The following RNF144A variants were observed in gnomAD, a reference collection of about 807,000 sequenced individuals.
The protein encoded by RNF144A is ring finger protein 144A.
RNF144A carries 11 observed loss-of-function variants against 38.7 expected under a neutral mutation model. That is an observed-to-expected ratio of 0.28 (90% CI 0.18 to 0.47). The LOEUF (loss-of-function observed/expected upper bound fraction) is 0.47. Ranked by LOEUF, RNF144A falls within the 20% of genes least tolerant of loss-of-function variation. The pLI is 0.99. For missense variants in RNF144A, 316 were observed against 377.2 expected (o/e 0.84, Z 1.34); for synonymous variants, 149 against 143.9 (o/e 1.04, Z -0.25).
intron 6 of RNF144A, among the ~76,000 whole-genome samples, chr2:7,054,895 A>G (rs1372133614): frequency 3.3e-5 from 5 of 152,210 alleles, no homozygotes; most frequent in Admixed American, 3.3e-4. Flanking sequence ...AGTGACACAC[A>G]TTGGTTTCTT....
intron 6 of RNF144A, among the ~76,000 whole-genome samples, chr2:7,058,601 T>C (rs1673832905): frequency 6.6e-6 from 1 of 152,184 alleles, no homozygotes; most frequent in East Asian, 1.9e-4. Context: ...AACTTTTTAT[T>C]AAACATAGCT....
intron 1 of RNF144A, among the ~76,000 whole-genome samples, chr2:6,930,146 A>G (rs1035922237): frequency 1.3e-5 from 2 of 152,230 alleles, no homozygotes; most frequent in African/African-American, 2.4e-5. Flanking sequence ...CATGTTTTTT[A>G]AAGAATAATA....
At chr2:6,926,757 A>G (rs700941) in intron 1 of RNF144A, among the ~76,000 whole-genome samples, 78,689 of 152,094 alleles carry the variant, frequency 0.52, 20,747 homozygotes, top group Non-Finnish European at 0.56. Flanking sequence ...AAACAGCCAC[A>G]TTCATTCACT....
chr2:7,021,076 C>T (rs970544073), intron 6 of RNF144A, among the ~76,000 whole-genome samples: 1 of 152,120 alleles, frequency 6.6e-6, no homozygotes, highest in African/African-American at 2.4e-5. Context: ...GAGTAGGGTG[C>T]ACTGGTCATA....
chr2:6,951,775 G>A (rs1186086220), intron 2 of RNF144A, among the ~76,000 whole-genome samples: 1 of 151,982 alleles, frequency 6.6e-6, no homozygotes, highest in South Asian at 2.1e-4. Context: ...TATTGATCTT[G>A]CATCTAGTCA....
intron 3 of RNF144A, among the ~76,000 whole-genome samples, chr2:7,005,855 G>T (rs1185546272): frequency 7.2e-5 from 11 of 152,044 alleles, no homozygotes. Context: ...GGCCTGCCCT[G>T]GAGTGAGGTG....
chr2:6,941,040 A>G lies in RNF144A; in HGVS notation c.-119A>G, dbSNP rs879671217. On this transcript the variant is annotated 5_prime_UTR_variant, in exon 2 of 9. The change abolishes an upstream ATG in the 5' untranslated region. Coordinates refer to ENST00000320892, the MANE Select transcript of RNF144A (RefSeq NM_014746.6). The surrounding 1 kb of genome is among the most constrained non-coding windows in gnomAD (Gnocchi z 6.5). ...CAGAGACCTTCTCCCATTTCTCCCT[A>G]TGGGTGCCTGACCTGAGGGCAGAGA... The G allele has an allele frequency of 5.9e-5, 9 of 152,286 alleles. No individual in the cohort carries two copies. Among genetic ancestry groups the G allele is most frequent in the Non-Finnish European group, 7.3e-5 (5 of 68,206 alleles). 9.4% of individuals were successfully genotyped at this position (152,286 alleles called of 1,614,324 possible). A position where few individuals can be genotyped will look rare whatever the true frequency, so the allele number is the denominator to read the frequency against.
At chr2:6,991,844 T>C (rs2103382563) in intron 2 of RNF144A, among the ~76,000 whole-genome samples, 1 of 152,144 alleles carries the variant, frequency 6.6e-6, no homozygotes, top group African/African-American at 2.4e-5. Flanking sequence ...GTATATATAA[T>C]TGTTGTTATA....
chr2:6,991,064 A>G (rs1490603949), intron 2 of RNF144A, among the ~76,000 whole-genome samples: 2 of 152,170 alleles, frequency 1.3e-5, no homozygotes, highest in East Asian at 3.9e-4. Context: ...GATATACCAT[A>G]GTTTACCCAT....
intron 2 of RNF144A, among the ~76,000 whole-genome samples, chr2:6,976,334 G>A (rs1668311298): frequency 6.6e-6 from 1 of 152,094 alleles, no homozygotes. Flanking sequence ...TAGTAAGAGT[G>A]AATTTCTCTT....
chr2:6,990,286 T>C (rs1018460697), intron 2 of RNF144A, among the ~76,000 whole-genome samples: 2 of 151,876 alleles, frequency 1.3e-5, no homozygotes, highest in Non-Finnish European at 2.9e-5. Context: ...TCTCTCGTCC[T>C]CTTCTTGTAA....
chr2:7,010,431 C>T (rs1192272958), intron 3 of RNF144A, among the ~76,000 whole-genome samples: 2 of 152,172 alleles, frequency 1.3e-5, no homozygotes, highest in Non-Finnish European at 2.9e-5. Context: ...AGATAAGCAC[C>T]TTTGAGCACA....
rs1043540257 is a variant in RNF144A, at chr2:6,963,931, G to A, written c.-12+22784G>A. ...GCTGTGCAGGGAATGGGTCGACCTGGCCTTGCATTTTCCTCACTCCCCTCC... is the reference window on the plus strand; with the variant it reads ...GCTGTGCAGGGAATGGGTCGACCTGACCTTGCATTTTCCTCACTCCCCTCC... On this transcript the variant is annotated intron_variant, in intron 2 of 8. Transcript: ENST00000320892. Among the ~76,000 whole-genome samples, 4 of 152,124 alleles carry A rather than the reference G, an allele frequency of 2.6e-5. No individual in the cohort carries two copies. The South Asian group carries it at 6.2e-4, about 24-fold the overall frequency.
chr2:6,974,822 T>C lies in RNF144A; in HGVS notation c.-11-22094T>C, dbSNP rs115164027. Among the ~76,000 whole-genome samples, 387 of 152,356 alleles carry C rather than the reference T, an allele frequency of 2.5e-3. 3 individuals are homozygous for C. The highest frequency in any genetic ancestry group is 9.0e-3 in the African/African-American group (376 of 41,596). The stretch of plus-strand genomic sequence containing the variant: ...TGCTGACATTTTTGGAACTCCGAGT[T>C]AGCTCAGAGACAAAAAATTAATTAA... On this transcript the variant is annotated intron_variant, in intron 2 of 8. Coordinates refer to ENST00000320892, the MANE Select transcript of RNF144A (RefSeq NM_014746.6).
intron 2 of RNF144A, among the ~76,000 whole-genome samples, chr2:6,963,250 T>C (rs1434823991): frequency 1.3e-5 from 2 of 152,190 alleles, no homozygotes; most frequent in Non-Finnish European, 2.9e-5. Context: ...AAGGAGTCTC[T>C]GGGTTGAAAT....
chr2:6,983,462 G>A lies in RNF144A; in HGVS notation c.-11-13454G>A, dbSNP rs142032625. On this transcript the variant is annotated intron_variant, in intron 2 of 8. Transcript: ENST00000320892. Reference sequence around the variant, plus strand: ...AGTCAGCATCACGCCTCTGGCCATCGTGTAGCACTGGATGGAGCCCAAATC... The same window carrying A: ...AGTCAGCATCACGCCTCTGGCCATCATGTAGCACTGGATGGAGCCCAAATC... 1.6e-4 allele frequency among the ~76,000 whole-genome samples: 25 copies of A among 152,308 alleles called. No individual in the cohort carries two copies. The Middle Eastern group carries it at 0.017, about 104-fold the overall frequency.
rs1665966401 is a variant in RNF144A at position 6,941,431 on chromosome 2, ATC to A, written c.-12+287_-12+288del. Among the ~76,000 whole-genome samples the A allele has an allele frequency of 6.6e-6, 1 of 152,178 alleles. No individual in the cohort carries two copies. Among genetic ancestry groups the A allele is most frequent in the Non-Finnish European group, 1.5e-5 (1 of 68,036 alleles). On this transcript the variant is annotated intron_variant, in intron 2 of 8. Coordinates refer to ENST00000320892, the MANE Select transcript of RNF144A (RefSeq NM_014746.6). The surrounding 1 kb of genome is among the most constrained non-coding windows in gnomAD (Gnocchi z 6.5). Reference sequence around the variant, plus strand: ...CAATCCTTGGAGTCTCCTGTTTTAGATCTCCCTGATTCACTAGAGAACACGTG... The same window carrying A: ...CAATCCTTGGAGTCTCCTGTTTTAGATCCCTGATTCACTAGAGAACACGTG...
chr2:6,999,155 T>A (rs2103394593), intron 3 of RNF144A, among the ~76,000 whole-genome samples: 1 of 152,376 alleles, frequency 6.6e-6, no homozygotes, highest in South Asian at 2.1e-4. Flanking sequence ...CGAAAGAGGC[T>A]GCTGGAAACA....
At chr2:7,063,570 C>T (rs1436396981) in intron 6 of RNF144A, among the ~76,000 whole-genome samples, 1 of 151,854 alleles carries the variant, frequency 6.6e-6, no homozygotes, top group Non-Finnish European at 1.5e-5. Context: ...ATATGGGAGT[C>T]AAAGGGGTGT....
Sources: gnomAD v4.1 joint callset for allele counts (sites outside exome capture counted in the v4.1 genomes callset) on GRCh38, gnomAD v4.1.1 for gene constraint, Gnocchi (gnomAD v3.1) non-coding constraint, MANE v1.5 for transcripts, NCBI Gene and HGNC (gene_info 2026-07-23, HGNC 2026-07-21) for gene names.